UBE2G2: variants seen among roughly 807,000 people sequenced by gnomAD.
UBE2G2 encodes ubiquitin-conjugating enzyme E2 G2.
UBE2G2 carries 10 observed loss-of-function variants against 23.0 expected under a neutral mutation model. The ratio of observed to expected loss-of-function variants is 0.43; its 90% CI spans 0.27 to 0.74. UBE2G2 has a LOEUF of 0.74. Among genes scored for constraint, UBE2G2 ranks in the 30% least tolerant of loss-of-function variants. UBE2G2 has a pLI of 0.19. For missense variants in UBE2G2, 150 were observed against 218.3 expected (o/e 0.69, Z 1.97); for synonymous variants, 86 against 81.3 (o/e 1.06, Z -0.31).
At chr21:44,787,423 G>A (rs1295335327) in intron 3 of UBE2G2, among the ~76,000 whole-genome samples, 2 of 152,218 alleles carry the variant, frequency 1.3e-5, no homozygotes, top group Non-Finnish European at 2.9e-5. Context: ...ACAGAAAAAG[G>A]AGATGCAGCA....
Position 44,772,205 on chromosome 21 carries a change from A to G in UBE2G2, c.386-716T>C, listed in dbSNP as rs964579763. 7.2e-5 allele frequency among the ~76,000 whole-genome samples: 11 copies of G among 152,122 alleles called. No homozygotes were observed. Among genetic ancestry groups the G allele is most frequent in the Non-Finnish European group, 1.5e-4 (10 of 67,994 alleles). ...GGTTCAGAGCAGAGTTGATGAGGAT[A>G]AAACCCACAGCTGACATCTGAGGAC... On this transcript the variant is annotated intron_variant, in intron 5 of 5. Transcript: ENST00000345496. The surrounding 1 kb of genome is among the most constrained non-coding windows in gnomAD (Gnocchi z 5.4).
chr21:44,776,592 T>C (rs532269230), intron 4 of UBE2G2, among the ~76,000 whole-genome samples: 2 of 152,326 alleles, frequency 1.3e-5, no homozygotes, highest in East Asian at 3.9e-4. Context: ...TCATCTTGAA[T>C]TGTAGCTCCC....
chr21:44,793,457 G>C (rs1413428716), intron 1 of UBE2G2, among the ~76,000 whole-genome samples: 2 of 152,204 alleles, frequency 1.3e-5, no homozygotes, highest in South Asian at 2.1e-4. Flanking sequence ...ACCTGCCCGG[G>C]TGTGCGCTGG....
intron 4 of UBE2G2, chr21:44,773,972 CAA>C: frequency 3.2e-6 from 1 of 316,010 alleles, no homozygotes; most frequent in Non-Finnish European, 5.8e-6. Flanking sequence ...GCAATATATA[CAA>C]AAAGACTAAA....
chr21:44,769,315 A>T lies in UBE2G2; in HGVS notation c.*2062T>A, dbSNP rs8103. On this transcript the variant is annotated 3_prime_UTR_variant, in exon 6 of 6. Transcript: ENST00000345496. Reference sequence around the variant, plus strand: ...CATCTCATTTGCCTGCAAATACAACATAGGTATAATACCGCTCCTTTCCCC... The same window carrying T: ...CATCTCATTTGCCTGCAAATACAACTTAGGTATAATACCGCTCCTTTCCCC... 0.38 allele frequency: 57,419 copies of T among 150,712 alleles called. 11,392 individuals are homozygous for T. The highest frequency in any genetic ancestry group is 0.45 in the South Asian group (2,153 of 4,786). The allele number at this position is 150,712 out of a possible 1,614,324, so 9.3% of individuals were successfully genotyped here. A position where few individuals can be genotyped will look rare whatever the true frequency, so the allele number is the denominator to read the frequency against.
intron 3 of UBE2G2, among the ~76,000 whole-genome samples, chr21:44,782,870 C>T (rs1306994770): frequency 5.3e-5 from 8 of 152,144 alleles, no homozygotes; most frequent in African/African-American, 1.7e-4. Flanking sequence ...ATCTTTGCAA[C>T]CTTGGGTTAT....
At chr21:44,777,139 T>G (rs1307671964) in intron 4 of UBE2G2, 160 bp downstream of exon 4, 5 of 642,954 alleles carry the variant, frequency 7.8e-6, no homozygotes, top group Non-Finnish European at 1.3e-5. Context: ...AATCATGTGC[T>G]TAATACCACC....
intron 1 of UBE2G2, chr21:44,801,231 T>C: frequency 1.3e-6 from 1 of 773,876 alleles, no homozygotes; most frequent in Non-Finnish European, 1.6e-6. Flanking sequence ...GAGTGACAGG[T>C]GGCACTGTTC....
chr21:44,782,236 T>C (rs2082962828), intron 3 of UBE2G2, among the ~76,000 whole-genome samples: 1 of 152,240 alleles, frequency 6.6e-6, no homozygotes, highest in Non-Finnish European at 1.5e-5. Flanking sequence ...TAAATTCACA[T>C]ACTCTAATCT....
intron 1 of UBE2G2, among the ~76,000 whole-genome samples, chr21:44,788,365 C>T (rs1555962449): frequency 6.7e-6 from 1 of 149,048 alleles, no homozygotes; most frequent in East Asian, 2.0e-4. Context: ...TCTCAGCTCA[C>T]TGCAAGCTCC....
chr21:44,776,062 C>T lies in UBE2G2; in HGVS notation c.244+1237G>A, dbSNP rs150033690. Among the ~76,000 whole-genome samples the T allele has an allele frequency of 7.2e-3, 1,095 of 152,122 alleles. 6 individuals carry two copies. Among genetic ancestry groups the T allele is most frequent in the South Asian group, 0.014 (67 of 4,820 alleles). ...TCTGCAGTAAATGAGAAGTCCTAAA[C>T]GAGGGTTAGGACAGCAAGTCTATTG... On this transcript the variant is annotated intron_variant, in intron 4 of 5. Coordinates refer to ENST00000345496, the MANE Select transcript of UBE2G2 (RefSeq NM_003343.6).
At chr21:44,780,576 A>T (rs1273742829) in intron 3 of UBE2G2, among the ~76,000 whole-genome samples, 1 of 152,234 alleles carries the variant, frequency 6.6e-6, no homozygotes, top group Non-Finnish European at 1.5e-5. Flanking sequence ...GCATTAGATT[A>T]AGCATCATAA....
At chr21:44,790,595 G>C (rs2083035472) in intron 1 of UBE2G2, among the ~76,000 whole-genome samples, 1 of 152,198 alleles carries the variant, frequency 6.6e-6, no homozygotes, top group Non-Finnish European at 1.5e-5. Context: ...GGTTTTATAA[G>C]TGTTCGAAAG....
intron 1 of UBE2G2, among the ~76,000 whole-genome samples, chr21:44,791,855 G>C (rs181628699): frequency 4.1e-4 from 63 of 152,270 alleles, no homozygotes; most frequent in Admixed American, 3.7e-3. Context: ...TAGCTGAAGG[G>C]GGTGGGTGTG....
intron 3 of UBE2G2, among the ~76,000 whole-genome samples, chr21:44,780,579 C>T (rs868952640): frequency 6.6e-6 from 1 of 152,124 alleles, no homozygotes; most frequent in Non-Finnish European, 1.5e-5. Context: ...TTAGATTAAG[C>T]ATCATAATGA....
intron 1 of UBE2G2, among the ~76,000 whole-genome samples, chr21:44,797,985 G>A (rs2146408870): frequency 6.6e-6 from 1 of 152,162 alleles, no homozygotes; most frequent in Non-Finnish European, 1.5e-5. Flanking sequence ...AACATAGAGG[G>A]AGGTCAAGAT....
At chr21:44,798,246 G>C (rs1299262075) in intron 1 of UBE2G2, among the ~76,000 whole-genome samples, 4 of 152,180 alleles carry the variant, frequency 2.6e-5, no homozygotes, top group African/African-American at 9.7e-5. Flanking sequence ...GCCTTCAGCA[G>C]GTCATAATCT....
rs781786841 is a variant in UBE2G2, at chr21:44,773,678, T to A, written c.254A>T (p.Asp85Val). Residue 85 changes from aspartate to valine, a missense_variant, in exon 5 of 6, where the codon GAT becomes GTT. Coordinates refer to ENST00000345496, the MANE Select transcript of UBE2G2 (RefSeq NM_003343.6). Reference protein sequence around the residue: ...CEMFHPNIYPDGRVCISILHA... With the variant: ...CEMFHPNIYPVGRVCISILHA... The stretch of plus-strand genomic sequence containing the variant: ...GAGGATGGAAATGCAGACTCTCCCA[T>A]CAGGGTAGACTGCAAGGGTCAGAGG... 2 of 1,612,238 alleles carry A rather than the reference T, an allele frequency of 1.2e-6. No homozygotes were observed. The highest frequency in any genetic ancestry group is 1.3e-5 in the African/African-American group (1 of 75,060).
At chr21:44,773,951 A>AT (rs2082894176) in intron 4 of UBE2G2, 2 of 350,026 alleles carry the variant, frequency 5.7e-6, no homozygotes, top group Non-Finnish European at 5.1e-6. Flanking sequence ...TTTCATATGA[A>AT]TTTTTTTCAA....
Sources: allele counts gnomAD v4.1 joint callset (sites outside exome capture counted in the v4.1 genomes callset), GRCh38; gene constraint gnomAD v4.1.1; non-coding constraint Gnocchi (gnomAD v3.1); transcripts MANE v1.5; gene names NCBI Gene and HGNC (gene_info 2026-07-23, HGNC 2026-07-21).